The following NASP variants were observed in gnomAD, a reference collection of about 807,000 sequenced individuals.
The protein encoded by NASP is nuclear autoantigenic sperm protein, also known as NASP histone chaperone.
A neutral mutation model predicts 89.5 loss-of-function variants in NASP; 24 were observed. That is an observed-to-expected ratio of 0.27 (90% CI 0.19 to 0.38). The LOEUF (loss-of-function observed/expected upper bound fraction) is 0.38. NASP is among the 10% of genes least tolerant of loss of function. The probability of loss-of-function intolerance (pLI) is 1.00; values close to 1 mark genes in which losing one functional copy is unlikely to be tolerated. For synonymous variants in NASP, 306 were observed against 324.7 expected, an observed-to-expected ratio of 0.94 and a Z score of 0.62; for missense variants, 848 against 921.4, an observed-to-expected ratio of 0.92 and a Z score of 1.03.
At chr1:45,595,710 T>A (rs1643679481) in intron 2 of NASP, among the ~76,000 whole-genome samples, 1 of 152,256 alleles carries the variant, frequency 6.6e-6, no homozygotes, top group African/African-American at 2.4e-5. Context: ...CAAATAGTAC[T>A]AGCAATTCTT....
intron 6 of NASP, chr1:45,609,164 G>A (rs1378005963): frequency 2.6e-5 from 4 of 152,144 alleles, no homozygotes; most frequent in Admixed American, 1.3e-4. Context: ...TAACTGGCAC[G>A]TCTGACTTTT....
intron 1 of NASP, among the ~76,000 whole-genome samples, chr1:45,590,634 CT>C (rs569722405): frequency 7.2e-4 from 102 of 142,496 alleles, no homozygotes; most frequent in Non-Finnish European, 1.0e-3. Flanking sequence ...TGGTTCCTTG[CT>C]TTTAATGGTA....
intron 3 of NASP, among the ~76,000 whole-genome samples, chr1:45,603,594 A>G (rs1643877115): frequency 7.1e-6 from 1 of 141,542 alleles, no homozygotes; most frequent in Admixed American, 7.5e-5. Context: ...TTTATCTGGT[A>G]GTATTTAGAG....
intron 2 of NASP, among the ~76,000 whole-genome samples, chr1:45,591,971 C>G (rs1643560783): frequency 6.6e-6 from 1 of 152,148 alleles, no homozygotes; most frequent in Non-Finnish European, 1.5e-5. Flanking sequence ...TAGGCATGCA[C>G]CACCACATCT....
chr1:45,613,916 G>T (rs969783528), intron 7 of NASP, among the ~76,000 whole-genome samples, 180 bp from the exon 8 acceptor site: 6 of 152,176 alleles, frequency 3.9e-5, no homozygotes, highest in Admixed American at 3.9e-4. Flanking sequence ...ACATTTCACT[G>T]TTAAAATATC....
At chr1:45,588,651 A>T in intron 1 of NASP, 1 of 453,096 alleles carries the variant, frequency 2.2e-6, no homozygotes, top group Non-Finnish European at 4.4e-6. Context: ...TTCTCTTAAG[A>T]ATGAGCGGCC....
At chr1:45,610,947 AC>A (rs1236322327) in intron 6 of NASP, 9 of 152,402 alleles carry the variant, frequency 5.9e-5, no homozygotes, top group African/African-American at 2.2e-4. Context: ...CGAACTCCTG[AC>A]CTCAGGTGAT....
chr1:45,614,147 G>A lies in NASP; in HGVS notation c.1558G>A (p.Asp520Asn). The stretch of plus-strand genomic sequence containing the variant: ...GATTGGGAACCTAGAGCTTGCCTGG[G>A]ATATGCTGGATTTAGCAAAGATCAT... ...EEIGNLELAW[D>N]MLDLAKIIFK... Residue 520 changes from aspartate (D) to asparagine (N), a missense_variant, in exon 8 of 15, where the codon GAT becomes AAT. Transcript: ENST00000350030. 6.2e-7 allele frequency: 1 copy of A among 1,612,750 alleles called. No individual in the cohort carries two copies. Among genetic ancestry groups the A allele is most frequent in the East Asian group, 2.2e-5 (1 of 44,878 alleles).
rs1557661588 is a variant in NASP, at chr1:45,607,857, G to A, written c.946G>A (p.Glu316Lys). 9 of 1,614,060 alleles carry A rather than the reference G, an allele frequency of 5.6e-6. 1 individual carries two copies. The highest frequency in any genetic ancestry group is 5.9e-6 in the Non-Finnish European group (7 of 1,180,034). ...PVDVGGDEPEEKVVTSENEAG... is the reference protein window; with the variant it reads ...PVDVGGDEPEKKVVTSENEAG... Reference sequence around the variant, plus strand: ...GGATGTGGGTGGGGACGAGCCAGAGGAGAAGGTAGTTACCTCTGAAAACGA... The same window carrying A: ...GGATGTGGGTGGGGACGAGCCAGAGAAGAAGGTAGTTACCTCTGAAAACGA... Residue 316 changes from glutamate (E) to lysine (K), a missense_variant, in exon 6 of 15, where the codon GAG (glutamate) becomes AAG (lysine). This residue lies in a region of NASP where 464 missense variants were observed against 469.4 expected (regional missense o/e 0.99). Coordinates refer to ENST00000350030, the MANE Select transcript of NASP (RefSeq NM_002482.4).
chr1:45,594,832 TTC>T, intron 2 of NASP: 1 of 378,700 alleles, frequency 2.6e-6, no homozygotes, highest in Non-Finnish European at 5.6e-6. Flanking sequence ...AATATTCTGA[TTC>T]TGAGAGAAAC....
At position 45,606,551 on chromosome 1, in the gene NASP, A is replaced by T. The variant is rs182431842; in HGVS notation, c.369A>T (p.Thr123=). ...VHVEEEEGEK[T]EDESLVENND... Reference sequence around the variant, plus strand: ...TGGAAGAGGAAGAAGGAGAAAAAACAGAAGATGAATCTCTGGTAGAAAATA... The same window carrying T: ...TGGAAGAGGAAGAAGGAGAAAAAACTGAAGATGAATCTCTGGTAGAAAATA... The change falls in exon 5 of 15, where the codon ACA becomes ACT. Residue 123 remains threonine, a synonymous_variant. Coordinates refer to ENST00000350030, the MANE Select transcript of NASP (RefSeq NM_002482.4). 5 of 1,613,504 alleles carry T rather than the reference A, an allele frequency of 3.1e-6. No individual in the cohort carries two copies. The highest frequency in any genetic ancestry group is 4.2e-6 in the Non-Finnish European group (5 of 1,179,418).
At chr1:45,603,696 G>A (rs940708047) in intron 3 of NASP, among the ~76,000 whole-genome samples, 11 of 135,164 alleles carry the variant, frequency 8.1e-5, no homozygotes, top group African/African-American at 2.8e-4. Flanking sequence ...TGCAACCCCC[G>A]CCTCCCTGGT....
chr1:45,596,975 G>A (rs1057138976), intron 2 of NASP, among the ~76,000 whole-genome samples: 2 of 149,684 alleles, frequency 1.3e-5, no homozygotes, highest in Non-Finnish European at 1.5e-5. Context: ...AGAGTGAGAC[G>A]CTGTCTCAAA....
intron 7 of NASP, 83 bp from the exon 8 acceptor site, chr1:45,614,012 CT>C (rs914730045): frequency 8.7e-7 from 1 of 1,148,502 alleles, no homozygotes; most frequent in South Asian, 1.4e-5. Context: ...CGTATATCAA[CT>C]TTTTTTAAGC....
At chr1:45,605,368 CT>C (rs1643894230) in intron 4 of NASP, among the ~76,000 whole-genome samples, 1 of 152,180 alleles carries the variant, frequency 6.6e-6, no homozygotes, top group African/African-American at 2.4e-5. Context: ...TTGAAAAGTT[CT>C]TGGCTATGTT....
At chr1:45,617,745 G>A (rs191170448) in intron 14 of NASP, among the ~76,000 whole-genome samples, 154 bp downstream of exon 14, 2 of 152,296 alleles carry the variant, frequency 1.3e-5, no homozygotes, top group East Asian at 3.9e-4. Context: ...CAGGAAAACA[G>A]TTTGGTTATG....
At chr1:45,585,985 C>T (rs1480527138) in intron 1 of NASP, among the ~76,000 whole-genome samples, 1 of 152,112 alleles carries the variant, frequency 6.6e-6, no homozygotes, top group Non-Finnish European at 1.5e-5. Flanking sequence ...GCAACAAATA[C>T]CTCTTGCAGG....
In NASP at chr1:45,618,274, T is replaced by C. The variant is rs528856721; in HGVS notation, c.*133T>C. 60 of 725,808 alleles carry C rather than the reference T, an allele frequency of 8.3e-5. 1 individual carries two copies. In the Middle Eastern group the frequency reaches 1.7e-3, roughly 20 times the overall value. 45.0% of individuals were successfully genotyped at this position (725,808 alleles called of 1,614,324 possible). A position where few individuals can be genotyped will look rare whatever the true frequency, so the allele number is the denominator to read the frequency against. On this transcript the variant is annotated 3_prime_UTR_variant, in exon 15 of 15. Coordinates refer to ENST00000350030, the MANE Select transcript of NASP (RefSeq NM_002482.4). The stretch of plus-strand genomic sequence containing the variant: ...GTTGAGGCTTTGATGGTTTTTTTCT[T>C]AATTATTGGCTGAATCTGCCTTGGA...
intron 3 of NASP, among the ~76,000 whole-genome samples, chr1:45,604,186 TG>T (rs1156388989): frequency 6.6e-6 from 1 of 152,226 alleles, no homozygotes; most frequent in East Asian, 1.9e-4. Flanking sequence ...TTAGTTGGCC[TG>T]ACTTTGCATG....
Sources: allele counts gnomAD v4.1 joint callset (sites outside exome capture counted in the v4.1 genomes callset), GRCh38; gene constraint gnomAD v4.1.1; regional missense constraint gnomAD v4.1.1; transcripts MANE v1.5; gene names NCBI Gene and HGNC (gene_info 2026-07-23, HGNC 2026-07-21).